The following CDC42SE2 variants were observed in gnomAD, a reference collection of about 807,000 sequenced individuals.
The protein encoded by CDC42SE2 is CDC42 small effector protein 2.
A neutral mutation model predicts 11.5 loss-of-function variants in CDC42SE2; 3 were observed. The observed-to-expected ratio is 0.26, with a 90% confidence interval of 0.12 to 0.67. The LOEUF (loss-of-function observed/expected upper bound fraction) is 0.67. Among genes scored for constraint, CDC42SE2 ranks in the 30% least tolerant of loss-of-function variants. The pLI is 0.80. For synonymous variants in CDC42SE2, 33 were observed against 34.8 expected (o/e 0.95, Z 0.18); for missense variants, 82 against 106.8 (o/e 0.77, Z 1.02).
chr5:131,321,744 G>A (rs1228123669), intron 2 of CDC42SE2, among the ~76,000 whole-genome samples: 5 of 151,776 alleles, frequency 3.3e-5, no homozygotes, highest in Admixed American at 6.6e-5. Flanking sequence ...ATCAAGCGTC[G>A]TACTGGGTAA....
At chr5:131,363,687 C>G (rs1234787209) in intron 3 of CDC42SE2, among the ~76,000 whole-genome samples, 1 of 137,498 alleles carries the variant, frequency 7.3e-6, no homozygotes, top group Non-Finnish European at 1.6e-5. Context: ...TTTTTTTTTT[C>G]TCTTACTCTT....
At chr5:131,294,081 A>G (rs183366308) in intron 1 of CDC42SE2, among the ~76,000 whole-genome samples, 21 of 152,332 alleles carry the variant, frequency 1.4e-4, no homozygotes, top group African/African-American at 3.1e-4. Context: ...GATATTGTCA[A>G]TGCAGGAGGG....
the CDC42SE2 span, among the ~76,000 whole-genome samples, chr5:131,226,210 A>T: frequency 1.3e-5 from 2 of 152,246 alleles, no homozygotes; most frequent in African/African-American, 2.4e-5. Context: ...CTAATTGCTC[A>T]TGGTTGTCTC....
rs187145163 is a variant in CDC42SE2 at position 131,272,463 on chromosome 5, G to C, written c.-455+8297G>C. Among the ~76,000 whole-genome samples the C allele has an allele frequency of 4.9e-4, 75 of 152,042 alleles. 1 individual carries two copies. The highest frequency in any genetic ancestry group is 3.4e-3 in the Middle Eastern group (1 of 294). On this transcript the variant is annotated intron_variant, in intron 1 of 4. Coordinates refer to ENST00000505065, the MANE Select transcript of CDC42SE2 (RefSeq NM_001375635.1). The stretch of plus-strand genomic sequence containing the variant: ...TTTCCTGTATGTTAAAAATGAAAGC[G>C]ATCAGAATAAAACTTTTATACGTCT...
intron 1 of CDC42SE2, among the ~76,000 whole-genome samples, chr5:131,274,441 A>T (rs776931195): frequency 6.6e-6 from 1 of 152,180 alleles, no homozygotes; most frequent in Non-Finnish European, 1.5e-5. Flanking sequence ...TGTAACCACA[A>T]TTTGCTCTCT....
chr5:131,377,436 T>G (rs575663301), intron 3 of CDC42SE2, among the ~76,000 whole-genome samples: 3 of 152,340 alleles, frequency 2.0e-5, no homozygotes, highest in African/African-American at 7.2e-5. Context: ...CCCAAAGTGC[T>G]AGGCTTACAG....
chr5:131,356,804 A>T (rs1342901707), intron 2 of CDC42SE2, among the ~76,000 whole-genome samples: 2 of 152,094 alleles, frequency 1.3e-5, no homozygotes, highest in Admixed American at 6.6e-5. Context: ...GCTACTTGGG[A>T]GGCTAAGGCA....
intron 1 of CDC42SE2, among the ~76,000 whole-genome samples, chr5:131,287,999 T>G (rs1353789594): frequency 6.6e-6 from 1 of 152,148 alleles, no homozygotes; most frequent in African/African-American, 2.4e-5. Flanking sequence ...ATCCCAGCAC[T>G]TTGAGAAACG....
At chr5:131,322,552 G>T (rs574489283) in intron 2 of CDC42SE2, among the ~76,000 whole-genome samples, 7 of 151,876 alleles carry the variant, frequency 4.6e-5, no homozygotes, top group African/African-American at 1.7e-4. Flanking sequence ...TTGCTTTATT[G>T]CCCAGGCTGG....
rs904545611 is a variant in CDC42SE2 at position 131,392,755 on chromosome 5, T to A, written c.*1664T>A. On this transcript the variant is annotated 3_prime_UTR_variant, in exon 5 of 5. Transcript: ENST00000505065. ...TCGTTTCTTTGTGCACTCATTCTTT[T>A]ATTTTTACTTCTTTTTAATGTTATG... 3.3e-5 allele frequency: 5 copies of A among 152,364 alleles called. No homozygotes were observed. Among genetic ancestry groups the A allele is most frequent in the Admixed American group, 3.3e-4 (5 of 15,282 alleles). 9.4% of individuals were successfully genotyped at this position (152,364 alleles called of 1,614,324 possible). A position where few individuals can be genotyped will look rare whatever the true frequency, so the allele number is the denominator to read the frequency against.
At chr5:131,299,500 TGA>T (rs1757637304) in intron 1 of CDC42SE2, among the ~76,000 whole-genome samples, 1 of 152,034 alleles carries the variant, frequency 6.6e-6, no homozygotes, top group Admixed American at 6.5e-5. Context: ...ACTGGGTAGA[TGA>T]GAGGGAATTT....
Position 131,297,644 on chromosome 5 carries a change from C to T in CDC42SE2, c.-454-18332C>T, listed in dbSNP as rs192575353. 4.1e-3 allele frequency among the ~76,000 whole-genome samples: 622 copies of T among 152,058 alleles called. 7 individuals carry two copies. Among genetic ancestry groups the T allele is most frequent in the African/African-American group, 0.015 (604 of 41,486 alleles). On this transcript the variant is annotated intron_variant, in intron 1 of 4. Coordinates refer to ENST00000505065, the MANE Select transcript of CDC42SE2 (RefSeq NM_001375635.1). ...CTGAGGCAGGAGAATGGCGTGAACC[C>T]GGGAGGCGGAGCTTGCAGTGAGTCA... is the stretch of plus-strand genomic sequence containing the variant.
chr5:131,320,443 A>G (rs1026170835), intron 2 of CDC42SE2, among the ~76,000 whole-genome samples: 4 of 150,598 alleles, frequency 2.7e-5, no homozygotes, highest in Non-Finnish European at 5.9e-5. Flanking sequence ...TCTTCTAGAT[A>G]TTAAAAATGT....
At chr5:131,348,456 G>A (rs1580771136) in intron 2 of CDC42SE2, among the ~76,000 whole-genome samples, 1 of 152,222 alleles carries the variant, frequency 6.6e-6, no homozygotes, top group Non-Finnish European at 1.5e-5. Flanking sequence ...ACCTCTTCAA[G>A]GAGAACTACA....
intron 3 of CDC42SE2, among the ~76,000 whole-genome samples, chr5:131,380,589 G>C (rs1322198350): frequency 1.3e-5 from 2 of 152,186 alleles, no homozygotes; most frequent in East Asian, 3.8e-4. Context: ...GTAGGAAAGA[G>C]TGTAAAGAAC....
Position 131,385,596 on chromosome 5 carries a change from G to A in CDC42SE2, c.108G>A (p.Val36=), listed in dbSNP as rs538484094. 6.2e-6 allele frequency: 10 copies of A among 1,613,928 alleles called. No homozygotes were observed. In the South Asian group the frequency reaches 1.1e-4, roughly 18 times the overall value. The part of the protein sequence containing the change: ...RSMIGEPTNF[V]HTAHVGSGDL... ...TGATTGGAGAGCCCACAAACTTTGTGCATACAGCTCATGTTGGATCAGGAG... is the reference window on the plus strand; with the variant it reads ...TGATTGGAGAGCCCACAAACTTTGTACATACAGCTCATGTTGGATCAGGAG... The change falls in exon 4 of 5, where the codon GTG becomes GTA. Residue 36 remains valine (V), a synonymous_variant. Transcript: ENST00000505065.
intron 2 of CDC42SE2, among the ~76,000 whole-genome samples, chr5:131,332,236 C>G (rs1034322221): frequency 1.4e-4 from 21 of 152,136 alleles, no homozygotes; most frequent in Middle Eastern, 6.8e-3. Flanking sequence ...TTTGTCCTTG[C>G]GATAGTTTGC....
At chr5:131,329,314 G>A (rs1409029468) in intron 2 of CDC42SE2, among the ~76,000 whole-genome samples, 1 of 141,712 alleles carries the variant, frequency 7.1e-6, no homozygotes, top group Non-Finnish European at 1.5e-5. Context: ...ACAGCTTTTG[G>A]TATCACCAGC....
chr5:131,349,408 G>T (rs1758943946), intron 2 of CDC42SE2, among the ~76,000 whole-genome samples: 1 of 152,134 alleles, frequency 6.6e-6, no homozygotes, highest in African/African-American at 2.4e-5. Flanking sequence ...GTTAACGAGT[G>T]CAGCACACCA....
Sources: allele counts gnomAD v4.1 joint callset (sites outside exome capture counted in the v4.1 genomes callset), GRCh38; gene constraint gnomAD v4.1.1; transcripts MANE v1.5; gene names NCBI Gene and HGNC (gene_info 2026-07-23, HGNC 2026-07-21).